ARHGAP10: variants seen among roughly 807,000 people sequenced by gnomAD.
ARHGAP10 encodes the protein rho GTPase-activating protein 10.
A neutral mutation model predicts 108.6 loss-of-function variants in ARHGAP10; 87 were observed. The observed-to-expected ratio is 0.80, with a 90% confidence interval of 0.67 to 0.96. The LOEUF is 0.96. Among genes scored for constraint, ARHGAP10 ranks in the 40% least tolerant of loss-of-function variants. ARHGAP10 has a pLI of 0.00. For synonymous variants in ARHGAP10, 347 were observed against 341.1 expected (o/e 1.02, Z -0.19); for missense variants, 939 against 954.5 (o/e 0.98, Z 0.21).
intron 1 of ARHGAP10, among the ~76,000 whole-genome samples, chr4:147,734,810 T>G (rs1425051735): frequency 6.6e-6 from 1 of 152,196 alleles, no homozygotes. Context: ...AGCTTTTGTA[T>G]AACATCAGAG....
At chr4:148,004,564 C>T (rs889900426) in intron 18 of ARHGAP10, among the ~76,000 whole-genome samples, 15 of 152,194 alleles carry the variant, frequency 9.9e-5, no homozygotes, top group Admixed American at 6.5e-5. Context: ...TGGAAGTAAT[C>T]AACCACGTGA....
At chr4:148,063,937 A>G (rs1729740373) in intron 21 of ARHGAP10, among the ~76,000 whole-genome samples, 1 of 152,224 alleles carries the variant, frequency 6.6e-6, no homozygotes. Context: ...CTCAGGCAAG[A>G]GCAACAAGCC....
At chr4:148,029,825 T>A (rs1233423240) in intron 19 of ARHGAP10, among the ~76,000 whole-genome samples, 1 of 152,188 alleles carries the variant, frequency 6.6e-6, no homozygotes, top group Non-Finnish European at 1.5e-5. Flanking sequence ...TGTGACAGTA[T>A]ATGTAGACAG....
In ARHGAP10 at chr4:147,822,761, A is replaced by G; in HGVS notation, c.189A>G (p.Ser63=). ...LSVAQRKFAH[S]LRDFKFEFIG... ...TGGCCCAGCGGAAGTTTGCTCATTC[A>G]CTCAGAGACTTTAAGTTTGAGTTTA... is the stretch of plus-strand genomic sequence containing the variant. The change falls in exon 2 of 23, where the codon TCA becomes TCG. Residue 63 remains serine (S), a synonymous_variant. Transcript: ENST00000336498. The G allele has an allele frequency of 6.2e-7, 1 of 1,614,210 alleles. No individual in the cohort carries two copies. The highest frequency in any genetic ancestry group is 8.5e-7 in the Non-Finnish European group (1 of 1,180,042).
At chr4:147,846,634 G>T in intron 3 of ARHGAP10, among the ~76,000 whole-genome samples, 1 of 152,196 alleles carries the variant, frequency 6.6e-6, no homozygotes, top group South Asian at 2.1e-4. Flanking sequence ...TGACTTTTTC[G>T]TGAGCCTCCA....
chr4:148,054,716 A>G (rs1729288042), intron 20 of ARHGAP10, among the ~76,000 whole-genome samples: 1 of 152,182 alleles, frequency 6.6e-6, no homozygotes. Context: ...CTGAGAATAG[A>G]CCCTTGGCTA....
chr4:148,063,088 G>A lies in ARHGAP10; in HGVS notation c.2028-60G>A, dbSNP rs375191425. Reference sequence around the variant, plus strand: ...TAGTCATCTGGGATTGGGATGTTGTGCATTTCGTGTTCTGTGGCCTTTCTG... The same window carrying A: ...TAGTCATCTGGGATTGGGATGTTGTACATTTCGTGTTCTGTGGCCTTTCTG... On this transcript the variant is annotated intron_variant, in intron 20 of 22. Transcript: ENST00000336498. The A allele has an allele frequency of 3.2e-6, 5 of 1,580,992 alleles. No homozygotes were observed. In the Admixed American group the frequency reaches 5.1e-5, roughly 16 times the overall value.
At chr4:148,023,668 G>A (rs1226426225) in intron 19 of ARHGAP10, among the ~76,000 whole-genome samples, 1 of 152,114 alleles carries the variant, frequency 6.6e-6, no homozygotes, top group Non-Finnish European at 1.5e-5. Context: ...TTTTTTGGGA[G>A]ACTTGTGTGA....
At chr4:147,928,335 C>T (rs1199748193) in intron 13 of ARHGAP10, among the ~76,000 whole-genome samples, 1 of 152,164 alleles carries the variant, frequency 6.6e-6, no homozygotes, top group Non-Finnish European at 1.5e-5. Context: ...ACAGACAACC[C>T]CAGTGGGCAC....
intron 7 of ARHGAP10, among the ~76,000 whole-genome samples, chr4:147,873,993 A>G (rs1734956474): frequency 6.6e-6 from 1 of 151,904 alleles, no homozygotes; most frequent in African/African-American, 2.4e-5. Context: ...ACAGGACATA[A>G]GCTGATATTT....
intron 18 of ARHGAP10, among the ~76,000 whole-genome samples, chr4:148,020,108 T>C (rs1347984901): frequency 6.6e-6 from 1 of 152,204 alleles, no homozygotes; most frequent in African/African-American, 2.4e-5. Flanking sequence ...TTTCAGATTT[T>C]GGAGTGTTTC....
At chr4:147,759,539 G>A in intron 1 of ARHGAP10, among the ~76,000 whole-genome samples, 1 of 151,018 alleles carries the variant, frequency 6.6e-6, no homozygotes, top group South Asian at 2.1e-4. Context: ...GTGCCTGTGA[G>A]TAGCCACCAC....
At chr4:148,061,297 T>G (rs1240736834) in intron 20 of ARHGAP10, among the ~76,000 whole-genome samples, 1 of 152,170 alleles carries the variant, frequency 6.6e-6, no homozygotes, top group Admixed American at 6.5e-5. Flanking sequence ...TGGCAAAACA[T>G]CTCATCTTCC....
rs1189272950 is a variant in ARHGAP10, at chr4:147,762,539, TA to T, written c.154+30085del. Among the ~76,000 whole-genome samples the T allele has an allele frequency of 1.5e-4, 22 of 151,718 alleles. No homozygotes were observed. In the East Asian group the frequency reaches 1.5e-3, roughly 11 times the overall value. The stretch of plus-strand genomic sequence containing the variant: ...ATTTATTTTTATTTATTTATTTATT[TA>T]TTTTTTTTGAGACGGAGTCTTGTTC... On this transcript the variant is annotated intron_variant, in intron 1 of 22. Coordinates refer to ENST00000336498, the MANE Select transcript of ARHGAP10 (RefSeq NM_024605.4).
chr4:147,766,799 CATATATATATATATATATATATATATAT>C (rs57572532), intron 1 of ARHGAP10, among the ~76,000 whole-genome samples: 1 of 126,474 alleles, frequency 7.9e-6, no homozygotes, highest in African/African-American at 3.7e-5. Context: ...CATATATTCA[CATATATATATATATATATATATATATAT>C]ATATATATAT....
intron 18 of ARHGAP10, among the ~76,000 whole-genome samples, chr4:148,018,775 C>T (rs900226498): frequency 3.9e-5 from 6 of 152,058 alleles, no homozygotes; most frequent in African/African-American, 1.4e-4. Context: ...TTTCATAAAC[C>T]TATAATATTT....
intron 1 of ARHGAP10, among the ~76,000 whole-genome samples, chr4:147,812,564 C>T (rs1208491897): frequency 2.6e-5 from 4 of 152,162 alleles, no homozygotes; most frequent in African/African-American, 4.8e-5. Flanking sequence ...GTTCCTTCCC[C>T]AGGAGCTGCC....
intron 1 of ARHGAP10, among the ~76,000 whole-genome samples, chr4:147,753,898 A>C (rs1158104475): frequency 6.6e-6 from 1 of 152,146 alleles, no homozygotes; most frequent in Non-Finnish European, 1.5e-5. Flanking sequence ...TTGTGGTTAG[A>C]GAGATTAACA....
At chr4:147,732,516 C>G in intron 1 of ARHGAP10, 61 bp downstream of exon 1, 1 of 1,596,212 alleles carries the variant, frequency 6.3e-7, no homozygotes, top group Non-Finnish European at 8.5e-7. Context: ...GGGAGCCTCT[C>G]TCGGCAGGAG....
Sources: gnomAD v4.1 joint callset for allele counts (sites outside exome capture counted in the v4.1 genomes callset) on GRCh38, gnomAD v4.1.1 for gene constraint, MANE v1.5 for transcripts, NCBI Gene and HGNC (gene_info 2026-07-23, HGNC 2026-07-21) for gene names.